The following PALM2AKAP2 variants were observed in gnomAD, a reference collection of about 807,000 sequenced individuals.
The protein encoded by PALM2AKAP2 is PALM2 and AKAP2 fusion.
PALM2AKAP2 carries 37 observed loss-of-function variants against 71.5 expected under a neutral mutation model. The observed-to-expected ratio is 0.52, with a 90% CI of 0.40 to 0.68. PALM2AKAP2 has a LOEUF of 0.68. PALM2AKAP2 is among the 30% of genes least tolerant of loss of function. PALM2AKAP2 has a pLI of 0.00. For synonymous variants in PALM2AKAP2, 468 were observed against 478.8 expected (o/e 0.98, Z 0.29); for missense variants, 1,224 against 1,191.8 (o/e 1.03, Z -0.40).
At chr9:110,135,469 A>G (rs142852857) in intron 1 of PALM2AKAP2, among the ~76,000 whole-genome samples, 5 of 151,798 alleles carry the variant, frequency 3.3e-5, no homozygotes, top group Admixed American at 1.3e-4. Flanking sequence ...ACTGGAGGAG[A>G]GGTACCATTG....
At chr9:110,124,379 A>C (rs552731562) in intron 1 of PALM2AKAP2, among the ~76,000 whole-genome samples, 10 of 152,344 alleles carry the variant, frequency 6.6e-5, no homozygotes, top group African/African-American at 2.2e-4. Context: ...GTTTACTGTA[A>C]ATCTCAGTTC....
upstream of PALM2AKAP2, among the ~76,000 whole-genome samples, chr9:110,043,794 A>T (rs1404612139): frequency 7.6e-6 from 1 of 132,376 alleles, no homozygotes; most frequent in Admixed American, 9.3e-5. Flanking sequence ...GATCATGGCT[A>T]ACTGTAGCCT....
At chr9:109,780,363 C>G (rs907959107), upstream of PALM2AKAP2, 8 of 1,580,520 alleles carry the variant, frequency 5.1e-6, no homozygotes, top group African/African-American at 1.3e-5. Flanking sequence ...GAGCGGATCC[C>G]CAGCCGTCCC....
intron 7 of PALM2AKAP2, among the ~76,000 whole-genome samples, chr9:110,020,770 A>T (rs260193): frequency 2.6e-5 from 4 of 151,844 alleles, no homozygotes; most frequent in African/African-American, 7.3e-5. Context: ...TGGACTAATA[A>T]ACCTGTGAAT....
chr9:109,947,685 C>T (rs1482599812), intron 6 of PALM2AKAP2, among the ~76,000 whole-genome samples: 1 of 152,228 alleles, frequency 6.6e-6, no homozygotes, highest in East Asian at 1.9e-4. Context: ...CTGCTCATCC[C>T]TGGACCCACT....
At chr9:109,924,394 C>T (rs1350453508) in intron 4 of PALM2AKAP2, among the ~76,000 whole-genome samples, 1 of 151,940 alleles carries the variant, frequency 6.6e-6, no homozygotes, top group African/African-American at 2.4e-5. Flanking sequence ...GTCAGGAGAT[C>T]GAGACCATCC....
chr9:109,815,070 G>T (rs1195135858), intron 1 of PALM2AKAP2, among the ~76,000 whole-genome samples: 1 of 152,166 alleles, frequency 6.6e-6, no homozygotes, highest in Non-Finnish European at 1.5e-5. Flanking sequence ...AATGAAATAG[G>T]GATAGACTGA....
chr9:109,681,757 A>T (rs1827737040), intron 1 of PALM2AKAP2, among the ~76,000 whole-genome samples: 1 of 152,348 alleles, frequency 6.6e-6, no homozygotes, highest in South Asian at 2.1e-4. Context: ...CCTTCAAACC[A>T]CATACCAATT....
chr9:110,034,409 C>T (rs551458751), intron 7 of PALM2AKAP2, among the ~76,000 whole-genome samples: 6 of 152,224 alleles, frequency 3.9e-5, no homozygotes, highest in East Asian at 3.9e-4. Flanking sequence ...CTGCTCGCCT[C>T]GGCCTCCCAA....
chr9:110,104,975 T>C (rs1284641820), intron 1 of PALM2AKAP2, among the ~76,000 whole-genome samples: 4 of 152,232 alleles, frequency 2.6e-5, no homozygotes, highest in Non-Finnish European at 4.4e-5. Flanking sequence ...TATTAGTTAA[T>C]AGATTGATAA....
At chr9:109,737,060 C>T (rs1050248999) in intron 1 of PALM2AKAP2, among the ~76,000 whole-genome samples, 7 of 152,190 alleles carry the variant, frequency 4.6e-5, no homozygotes, top group Non-Finnish European at 7.3e-5. Context: ...ATGATTTTAT[C>T]GCTAGGGAGG....
At chr9:109,999,831 G>C (rs1255623462) in intron 6 of PALM2AKAP2, among the ~76,000 whole-genome samples, 1 of 152,186 alleles carries the variant, frequency 6.6e-6, no homozygotes, top group Non-Finnish European at 1.5e-5. Context: ...TGCCACACTG[G>C]GGCTGAGCTA....
Position 109,964,512 on chromosome 9 carries a change from T to A in PALM2AKAP2, c.496+32484T>A, listed in dbSNP as rs117268664. Among the ~76,000 whole-genome samples, 311 of 152,296 alleles carry A rather than the reference T, an allele frequency of 2.0e-3. 1 individual carries two copies. The highest frequency in any genetic ancestry group is 3.2e-3 in the Non-Finnish European group (215 of 68,028). Reference sequence around the variant, plus strand: ...ATTATGTCTTTTCCTTCCACAATGATCTTTAGGTTAAGGTCGCCAACTTAA... The same window carrying A: ...ATTATGTCTTTTCCTTCCACAATGAACTTTAGGTTAAGGTCGCCAACTTAA... On this transcript the variant is annotated intron_variant, in intron 6 of 9. Coordinates refer to the PALM2AKAP2 transcript ENST00000302798.
intron 1 of PALM2AKAP2, among the ~76,000 whole-genome samples, chr9:110,100,953 T>C (rs1328970259): frequency 6.6e-6 from 1 of 152,112 alleles, no homozygotes; most frequent in Admixed American, 6.5e-5. Context: ...TGGAGGAGAA[T>C]GTTCCCAGAG....
At chr9:109,671,334 A>C (rs546522780) in intron 1 of PALM2AKAP2, among the ~76,000 whole-genome samples, 4 of 152,240 alleles carry the variant, frequency 2.6e-5, no homozygotes, top group African/African-American at 9.6e-5. Flanking sequence ...CTGGCCAGTT[A>C]TCCTAGCACC....
At chr9:110,146,465 AAGTT>A (rs1450879336) in intron 2 of PALM2AKAP2, among the ~76,000 whole-genome samples, 1 of 152,110 alleles carries the variant, frequency 6.6e-6, no homozygotes, top group African/African-American at 2.4e-5. Flanking sequence ...TCCATGCTGC[AAGTT>A]AGTTAGGGGA....
chr9:110,047,204 CAAA>C (rs1564277225), upstream of PALM2AKAP2, among the ~76,000 whole-genome samples: 1 of 152,080 alleles, frequency 6.6e-6, no homozygotes. Flanking sequence ...GACAAACAGG[CAAA>C]AAGGATCGTG....
chr9:109,986,982 T>C (rs1832390039), intron 6 of PALM2AKAP2, among the ~76,000 whole-genome samples: 1 of 152,214 alleles, frequency 6.6e-6, no homozygotes, highest in African/African-American at 2.4e-5. Context: ...TGAGTAATCA[T>C]TTACAGAAAC....
intron 6 of PALM2AKAP2, 37 bp downstream of exon 6, chr9:109,932,065 A>T: frequency 6.4e-7 from 1 of 1,573,558 alleles, no homozygotes; most frequent in Non-Finnish European, 8.7e-7. Flanking sequence ...AGGATGGTCC[A>T]AGGGGCTTGC....
Sources: gnomAD v4.1 joint callset for allele counts (sites outside exome capture counted in the v4.1 genomes callset) on GRCh38, gnomAD v4.1.1 for gene constraint, MANE v1.5 for transcripts, NCBI Gene and HGNC (gene_info 2026-07-23, HGNC 2026-07-21) for gene names.